CRYM: variants seen among roughly 807,000 people sequenced by gnomAD.
CRYM encodes the protein ketimine reductase mu-crystallin.
A neutral mutation model predicts 32.9 loss-of-function variants in CRYM; 18 were observed. That is an observed-to-expected ratio of 0.55 (90% CI 0.38 to 0.81). The LOEUF is 0.81. Among genes scored for constraint, CRYM ranks in the 30% least tolerant of loss-of-function variants. The pLI, the probability that CRYM is intolerant of heterozygous loss-of-function variation, is 0.00. For missense variants in CRYM, 337 were observed against 393.5 expected, an observed-to-expected ratio of 0.86 and a Z score of 1.21; for synonymous variants, 153 against 152.4, an observed-to-expected ratio of 1.00 and a Z score of -0.03.
chr16:21,302,362 G>A (rs915069907), intron 1 of CRYM, among the ~76,000 whole-genome samples: 9 of 152,218 alleles, frequency 5.9e-5, no homozygotes, highest in African/African-American at 1.7e-4. Flanking sequence ...AACATGTTAA[G>A]TGTTCCATAA....
intron 4 of CRYM, chr16:21,268,758 T>C (rs2093369038): frequency 6.6e-6 from 1 of 152,170 alleles, no homozygotes; most frequent in South Asian, 2.1e-4. Context: ...TAAAGCTATG[T>C]TATAAAAAGC....
chr16:21,258,816 T>A lies in CRYM; in HGVS notation c.910A>T (p.Lys304Ter). 6.2e-7 allele frequency: 1 copy of A among 1,614,208 alleles called. No homozygotes were observed. The highest frequency in any genetic ancestry group is 2.2e-5 in the East Asian group (1 of 44,878). The change falls in exon 8 of 8, where the codon AAA becomes TAA. Residue 304 changes from lysine (K) to a stop codon, truncating the protein, a stop_gained. Coordinates refer to ENST00000572914, the MANE Select transcript of CRYM (RefSeq NM_001376256.1). LOFTEE classifies it high-confidence loss of function. ...GMAVEDTVAAKLIYDSWSSGK is the reference protein window; with the variant it reads ...GMAVEDTVAA ...GATGACCAGGAATCATAGATGAGTT[T>A]GGCTGCAACTGTGTCTTCCACTGCC...
At chr16:21,265,757 G>A (rs2093362671) in intron 5 of CRYM, among the ~76,000 whole-genome samples, 1 of 152,232 alleles carries the variant, frequency 6.6e-6, no homozygotes, top group African/African-American at 2.4e-5. Flanking sequence ...TTCACACCAT[G>A]TGCTTGTCAC....
chr16:21,269,484 G>T (rs1426732286), intron 4 of CRYM, among the ~76,000 whole-genome samples: 1 of 152,158 alleles, frequency 6.6e-6, no homozygotes, highest in Non-Finnish European at 1.5e-5. Flanking sequence ...TAATAGACAG[G>T]AGCTAAAAGG....
intron 4 of CRYM, 62 bp downstream of exon 4, chr16:21,269,728 G>C: frequency 1.9e-6 from 2 of 1,073,034 alleles, no homozygotes; most frequent in Non-Finnish European, 2.9e-6. Flanking sequence ...CAGTGAAGCA[G>C]TATAGACAGG....
intron 1 of CRYM, among the ~76,000 whole-genome samples, chr16:21,284,379 CTT>C (rs1334797242): frequency 6.6e-6 from 1 of 152,090 alleles, no homozygotes; most frequent in Non-Finnish European, 1.5e-5. Context: ...AGTTCCCTGA[CTT>C]TTAGTATATT....
At chr16:21,302,447 A>G (rs1418108690) in intron 1 of CRYM, among the ~76,000 whole-genome samples, 1 of 152,232 alleles carries the variant, frequency 6.6e-6, no homozygotes, top group African/African-American at 2.4e-5. Context: ...GTGAAAGCAT[A>G]AATTACACCA....
intron 1 of CRYM, among the ~76,000 whole-genome samples, chr16:21,286,927 A>T (rs2093408338): frequency 6.6e-6 from 1 of 151,926 alleles, no homozygotes; most frequent in African/African-American, 2.4e-5. Flanking sequence ...CATCTCTACT[A>T]AAAATACAAA....
rs915845479 is a variant in CRYM, at chr16:21,284,986, T to C, written c.-192-6026A>G. Among the ~76,000 whole-genome samples, 3 of 152,214 alleles carry C rather than the reference T, an allele frequency of 2.0e-5. No homozygotes were observed. In the South Asian group the frequency reaches 6.2e-4, roughly 32 times the overall value. ...CCATTCTGACTGATGTGAGATGATA[T>C]TCCATTGTGGTTTTTATTTGCATTT... is the stretch of plus-strand genomic sequence containing the variant. On this transcript the variant is annotated intron_variant, in intron 1 of 9. Transcript: ENST00000219599.
chr16:21,268,690 A>C (rs1337983776), intron 4 of CRYM: 2 of 152,218 alleles, frequency 1.3e-5, no homozygotes, highest in Admixed American at 6.5e-5. Context: ...ATAACCTGAA[A>C]AGTGATGTTA....
chr16:21,281,070 A>G (rs1597623494), upstream of CRYM, among the ~76,000 whole-genome samples: 1 of 150,120 alleles, frequency 6.7e-6, no homozygotes, highest in African/African-American at 2.5e-5. Context: ...GTGCCACTGC[A>G]CTCCAGCCTG....
intron 3 of CRYM, among the ~76,000 whole-genome samples, chr16:21,271,293 C>A (rs2093374941): frequency 6.6e-6 from 1 of 152,170 alleles, no homozygotes; most frequent in African/African-American, 2.4e-5. Context: ...TGGAGAACCA[C>A]TGGCATAGAG....
chr16:21,261,778 T>C, intron 6 of CRYM: 1 of 498,858 alleles, frequency 2.0e-6, no homozygotes, highest in Non-Finnish European at 3.6e-6. Flanking sequence ...TCCCACTTCT[T>C]TAGAGGACAG....
In CRYM at chr16:21,290,179, CT is replaced by C. The variant is rs375917644; in HGVS notation, c.-192-11220del. On this transcript the variant is annotated intron_variant, in intron 1 of 9. Transcript: ENST00000219599. ...CGGATCCCCTTCCATGCTGTGGGAA[CT>C]TTTTTCTTTTGCTGTTCACAATAAG... is the stretch of plus-strand genomic sequence containing the variant. Among the ~76,000 whole-genome samples, 79 of 152,258 alleles carry C rather than the reference CT, an allele frequency of 5.2e-4. No homozygotes were observed. The East Asian group carries it at 0.015, about 28-fold the overall frequency.
chr16:21,290,008 G>C (rs1056275380), intron 1 of CRYM, among the ~76,000 whole-genome samples: 10 of 147,992 alleles, frequency 6.8e-5, no homozygotes, highest in Admixed American at 6.0e-4. Flanking sequence ...CTGTAAAATG[G>C]ACCAATCAGC....
Position 21,258,700 on chromosome 16 carries a change from A to G in CRYM, c.*81T>C. The G allele has an allele frequency of 2.6e-6, 3 of 1,164,548 alleles. No individual in the cohort carries two copies. Among genetic ancestry groups the G allele is most frequent in the Non-Finnish European group, 3.9e-6 (3 of 772,624 alleles). 72.1% of individuals were successfully genotyped at this position (1,164,548 alleles called of 1,614,324 possible). On this transcript the variant is annotated 3_prime_UTR_variant, in exon 8 of 8. Coordinates refer to ENST00000572914, the MANE Select transcript of CRYM (RefSeq NM_001376256.1). ...AAAAGGAGAGTTCACTGGGGACTGG[A>G]CTCCCTCATTTACTCTAGAAATTAT...
intron 1 of CRYM, among the ~76,000 whole-genome samples, chr16:21,284,629 T>C (rs2093404522): frequency 6.6e-6 from 1 of 152,242 alleles, no homozygotes; most frequent in African/African-American, 2.4e-5. Context: ...TTTTTATGGC[T>C]GTATAGTATT....
In CRYM at chr16:21,262,109, C is replaced by G. The variant is rs1249343875; in HGVS notation, c.723G>C (p.Met241Ile). The change falls in exon 6 of 8, where the codon ATG becomes ATC. Residue 241 changes from methionine to isoleucine, a missense_variant. Transcript: ENST00000572914. ...PDWRELDDEL[M>I]KEAVLYVDSQ... ...AATCCACGTACAGCACAGCTTCTTTCATGAGCTCATCATCCAGTTCTCTCC... is the reference window on the plus strand; with the variant it reads ...AATCCACGTACAGCACAGCTTCTTTGATGAGCTCATCATCCAGTTCTCTCC... 1 of 1,614,182 alleles carries G rather than the reference C, an allele frequency of 6.2e-7. No individual in the cohort carries two copies. The highest frequency in any genetic ancestry group is 8.5e-7 in the Non-Finnish European group (1 of 1,180,022).
intron 1 of CRYM, among the ~76,000 whole-genome samples, chr16:21,301,981 G>A (rs1486755427): frequency 1.3e-5 from 2 of 152,228 alleles, no homozygotes; most frequent in South Asian, 4.1e-4. Context: ...CCACCCGCTA[G>A]CCGCGATGGG....
Sources: gnomAD v4.1 joint callset for allele counts (sites outside exome capture counted in the v4.1 genomes callset) on GRCh38, gnomAD v4.1.1 for gene constraint, MANE v1.5 for transcripts, NCBI Gene and HGNC (gene_info 2026-07-23, HGNC 2026-07-21) for gene names.